Variants in KIAA1217 observed in about 807,000 individuals in gnomAD.
KIAA1217 encodes KIAA1217, also known as sickle tail protein homolog.
KIAA1217 carries 88 observed loss-of-function variants against 163.9 expected under a neutral mutation model. The ratio of observed to expected loss-of-function variants is 0.54; its 90% CI spans 0.45 to 0.64. The LOEUF (loss-of-function observed/expected upper bound fraction) is 0.64. KIAA1217 is among the 30% of genes least tolerant of loss of function. The probability of loss-of-function intolerance (pLI) is 0.00; values close to 1 mark genes in which losing one functional copy is unlikely to be tolerated. For missense variants in KIAA1217, 2,372 were observed against 2,475.0 expected (o/e 0.96, Z 0.88); for synonymous variants, 903 against 923.1 (o/e 0.98, Z 0.39).
intron 2 of KIAA1217, among the ~76,000 whole-genome samples, chr10:24,330,462 C>T (rs1202314899): frequency 6.6e-6 from 1 of 152,042 alleles, no homozygotes; most frequent in Non-Finnish European, 1.5e-5. Flanking sequence ...GCAAAAGGAA[C>T]CTTTGCAAGC....
At chr10:24,124,975 A>T (rs142053036) in intron 2 of KIAA1217, among the ~76,000 whole-genome samples, 1 of 152,100 alleles carries the variant, frequency 6.6e-6, no homozygotes, top group Non-Finnish European at 1.5e-5. Flanking sequence ...TCCCCTTAGA[A>T]AGCTGGTAGA....
intron 1 of KIAA1217, among the ~76,000 whole-genome samples, chr10:23,891,402 T>G (rs1841409558): frequency 6.6e-6 from 1 of 151,968 alleles, no homozygotes; most frequent in African/African-American, 2.4e-5. Context: ...AGTGGACTTG[T>G]GGACCACACA....
chr10:23,709,896 G>A (rs1011748474), intron 1 of KIAA1217, among the ~76,000 whole-genome samples: 1 of 152,172 alleles, frequency 6.6e-6, no homozygotes, highest in Non-Finnish European at 1.5e-5. Context: ...TCTCTGGGCA[G>A]CATTACTGAT....
intron 2 of KIAA1217, among the ~76,000 whole-genome samples, chr10:24,146,106 T>G (rs2064297642): frequency 6.6e-6 from 1 of 152,202 alleles, no homozygotes; most frequent in Admixed American, 6.5e-5. Context: ...AAACTTTACG[T>G]GTACCTGATA....
At chr10:23,979,358 C>G (rs965389238) in intron 1 of KIAA1217, among the ~76,000 whole-genome samples, 2 of 152,170 alleles carry the variant, frequency 1.3e-5, no homozygotes, top group Non-Finnish European at 2.9e-5. Flanking sequence ...TCCTGCTGTG[C>G]TCCTTCCTGC....
At position 23,996,833 on chromosome 10, in the gene KIAA1217, TG is replaced by T. The variant is rs149816611; in HGVS notation, c.-320-10391del. Among the ~76,000 whole-genome samples, 1,254 of 152,348 alleles carry T rather than the reference TG, an allele frequency of 8.2e-3. 16 individuals are homozygous for T. Among genetic ancestry groups the T allele is most frequent in the African/African-American group, 0.028 (1,184 of 41,586 alleles). ...CACAGTTCAAAAGAATGAAGAGAGA[TG>T]CTAGTTTACCCTTGTATTGCGGAAA... On this transcript the variant is annotated intron_variant, in intron 1 of 18. Coordinates refer to the KIAA1217 transcript ENST00000376462.
chr10:24,420,793 T>C (rs995518164), intron 3 of KIAA1217, among the ~76,000 whole-genome samples: 1 of 152,164 alleles, frequency 6.6e-6, no homozygotes, highest in African/African-American at 2.4e-5. Flanking sequence ...CTCTATGGGT[T>C]TGTATGACCT....
chr10:23,978,457 T>C (rs1173462494), intron 1 of KIAA1217, among the ~76,000 whole-genome samples: 1 of 152,198 alleles, frequency 6.6e-6, no homozygotes, highest in East Asian at 1.9e-4. Context: ...TTCTGATAAA[T>C]TAGCCTAAAT....
intron 1 of KIAA1217, among the ~76,000 whole-genome samples, chr10:23,889,224 T>A (rs1428080670): frequency 6.6e-6 from 1 of 151,900 alleles, no homozygotes; most frequent in Non-Finnish European, 1.5e-5. Flanking sequence ...TACCAAAAAA[T>A]TGCCAAATTG....
At chr10:23,973,922 A>G (rs527845396) in intron 1 of KIAA1217, among the ~76,000 whole-genome samples, 1 of 152,360 alleles carries the variant, frequency 6.6e-6, no homozygotes, top group African/African-American at 2.4e-5. Flanking sequence ...TCTCTGGGAC[A>G]ATCCTAGAAT....
At position 24,546,255 on chromosome 10, in the gene KIAA1217, C is replaced by T. The variant is rs552030252; in HGVS notation, c.5763C>T (p.Leu1921=). Residue 1921 remains leucine (L), a synonymous_variant, in exon 21 of 21, where the codon CTC becomes CTT. Coordinates refer to ENST00000376454, the MANE Select transcript of KIAA1217 (RefSeq NM_019590.5). ...KGTRTIHTPS[L]TSYKAQNGSS... Reference sequence around the variant, plus strand: ...CCAGGACCATCCATACTCCCAGCCTCACCAGCTACAAGGCACAGAATGGAA... The same window carrying T: ...CCAGGACCATCCATACTCCCAGCCTTACCAGCTACAAGGCACAGAATGGAA... 3.7e-6 allele frequency: 6 copies of T among 1,614,194 alleles called. No individual in the cohort carries two copies. In the African/African-American group the frequency reaches 8.0e-5, roughly 22 times the overall value.
At chr10:24,192,461 T>C (rs896154051) in intron 2 of KIAA1217, among the ~76,000 whole-genome samples, 3 of 152,200 alleles carry the variant, frequency 2.0e-5, no homozygotes, top group African/African-American at 7.2e-5. Flanking sequence ...GGGGGTAGTA[T>C]GCTCTGGACC....
intron 1 of KIAA1217, among the ~76,000 whole-genome samples, chr10:23,985,178 TG>T (rs1845921023): frequency 6.6e-6 from 1 of 152,256 alleles, no homozygotes; most frequent in African/African-American, 2.4e-5. Flanking sequence ...GTCTTGATTT[TG>T]TGCTTGTCCT....
intron 2 of KIAA1217, among the ~76,000 whole-genome samples, chr10:24,347,399 C>A (rs888033549): frequency 2.0e-5 from 3 of 152,082 alleles, no homozygotes; most frequent in Non-Finnish European, 2.9e-5. Flanking sequence ...TTTTTACATC[C>A]TCTTGTCCTG....
At chr10:24,054,133 T>C (rs1849714844) in intron 2 of KIAA1217, among the ~76,000 whole-genome samples, 1 of 152,196 alleles carries the variant, frequency 6.6e-6, no homozygotes, top group African/African-American at 2.4e-5. Flanking sequence ...CTGTGGGCTC[T>C]GTGACAAAAA....
intron 3 of KIAA1217, among the ~76,000 whole-genome samples, chr10:24,383,062 G>A (rs1379204622): frequency 6.6e-6 from 1 of 151,848 alleles, no homozygotes; most frequent in Non-Finnish European, 1.5e-5. Context: ...GCCCAGGCTG[G>A]TCTGGAATTC....
intron 2 of KIAA1217, 71 bp from the exon 3 acceptor site, chr10:24,380,798 G>A (rs936926918): frequency 7.9e-6 from 9 of 1,143,110 alleles, no homozygotes; most frequent in Middle Eastern, 2.2e-4. Flanking sequence ...TAATAGAAAT[G>A]GCATTGGACA....
At chr10:24,080,036 C>G (rs1161716173) in intron 2 of KIAA1217, among the ~76,000 whole-genome samples, 1 of 152,220 alleles carries the variant, frequency 6.6e-6, no homozygotes, top group Admixed American at 6.5e-5. Flanking sequence ...GAATCCAGGC[C>G]TTCTGTGGCC....
intron 16 of KIAA1217, among the ~76,000 whole-genome samples, chr10:24,534,686 C>A (rs892611029): frequency 6.6e-6 from 1 of 151,734 alleles, no homozygotes; most frequent in Admixed American, 6.6e-5. Flanking sequence ...TCGAGACCAA[C>A]CTGGCCAACA....
Sources: allele counts gnomAD v4.1 joint callset (sites outside exome capture counted in the v4.1 genomes callset), GRCh38; gene constraint gnomAD v4.1.1; transcripts MANE v1.5; gene names NCBI Gene and HGNC (gene_info 2026-07-23, HGNC 2026-07-21).